Variants in TNIP3 observed in about 807,000 individuals in gnomAD.
TNIP3 encodes the protein TNFAIP3 interacting protein 3.
A neutral mutation model predicts 54.1 loss-of-function variants in TNIP3; 34 were observed. The observed-to-expected ratio is 0.63, with a 90% CI of 0.48 to 0.84. The LOEUF is 0.84. Ranked by LOEUF, TNIP3 falls within the 40% of genes least tolerant of loss-of-function variation. The pLI is 0.00. For missense variants in TNIP3, 366 were observed against 387.6 expected (o/e 0.94, Z 0.47); for synonymous variants, 134 against 136.8 (o/e 0.98, Z 0.14).
intron 2 of TNIP3, among the ~76,000 whole-genome samples, chr4:121,194,685 A>G (rs1464881512): frequency 6.6e-6 from 1 of 152,226 alleles, no homozygotes; most frequent in African/African-American, 2.4e-5. Flanking sequence ...CAAAATAAAC[A>G]AAACCCCTAA....
chr4:121,160,841 A>C (rs1730404620), intron 2 of TNIP3, among the ~76,000 whole-genome samples: 1 of 152,230 alleles, frequency 6.6e-6, no homozygotes, highest in Non-Finnish European at 1.5e-5. Flanking sequence ...TAAAGGATAA[A>C]GTAACTTGGT....
intron 2 of TNIP3, among the ~76,000 whole-genome samples, chr4:121,199,900 C>T (rs1200441335): frequency 6.6e-6 from 1 of 152,144 alleles, no homozygotes; most frequent in Non-Finnish European, 1.5e-5. Context: ...GGATACAGCC[C>T]ATTCTCTACT....
chr4:121,146,659 TG>T lies in TNIP3; in HGVS notation c.735+389del, dbSNP rs569872686. ...TATAAATGGCATTTAGAAATACGTATGTTTTTGGCAGACAGGAGCATTCCAA... is the reference window on the plus strand; with the variant it reads ...TATAAATGGCATTTAGAAATACGTATTTTTTGGCAGACAGGAGCATTCCAA... On this transcript the variant is annotated intron_variant, in intron 7 of 10. Coordinates refer to ENST00000057513, the MANE Select transcript of TNIP3 (RefSeq NM_024873.6). Among the ~76,000 whole-genome samples, 25 of 152,288 alleles carry T rather than the reference TG, an allele frequency of 1.6e-4. No homozygotes were observed. In the South Asian group the frequency reaches 5.0e-3, roughly 30 times the overall value.
At chr4:121,226,750 AG>A (rs1727274557) in intron 1 of TNIP3, among the ~76,000 whole-genome samples, 1 of 152,216 alleles carries the variant, frequency 6.6e-6, no homozygotes, top group Admixed American at 6.5e-5. Flanking sequence ...AATTATTCCT[AG>A]GGAAGTTTAT....
chr4:121,158,252 AC>A (rs1175639995), intron 3 of TNIP3, among the ~76,000 whole-genome samples: 1 of 152,152 alleles, frequency 6.6e-6, no homozygotes, highest in Non-Finnish European at 1.5e-5. Flanking sequence ...CACTGTTACC[AC>A]CATTTGTTTC....
chr4:121,136,143 A>T (rs986525155), intron 10 of TNIP3, among the ~76,000 whole-genome samples: 8 of 152,352 alleles, frequency 5.3e-5, no homozygotes, highest in South Asian at 4.1e-4. Context: ...GTTAGTTCAT[A>T]ACATATTTAT....
chr4:121,153,916 G>A (rs370815841), intron 5 of TNIP3, among the ~76,000 whole-genome samples: 179 of 152,112 alleles, frequency 1.2e-3, no homozygotes, highest in African/African-American at 4.1e-3. Context: ...TTGGCTCTTG[G>A]AAAAGTCAAC....
intron 2 of TNIP3, among the ~76,000 whole-genome samples, chr4:121,206,302 C>G (rs928269869): frequency 6.6e-6 from 1 of 151,872 alleles, no homozygotes. Context: ...CAAAATGAAC[C>G]TTTTGCTAAA....
chr4:121,201,908 A>G (rs1725911939), intron 2 of TNIP3, among the ~76,000 whole-genome samples: 1 of 152,224 alleles, frequency 6.6e-6, no homozygotes, highest in African/African-American at 2.4e-5. Flanking sequence ...AATCTAGGTC[A>G]TCTCACAAAC....
At chr4:121,190,192 G>A (rs1725231828) in intron 2 of TNIP3, among the ~76,000 whole-genome samples, 2 of 152,154 alleles carry the variant, frequency 1.3e-5, no homozygotes, top group Admixed American at 1.3e-4. Context: ...TGAAAACACA[G>A]TGTTTTAACA....
At position 121,132,661 on chromosome 4, in the gene TNIP3, A is replaced by T. The variant is rs1347768370; in HGVS notation, c.948T>A (p.Gly316=). ...LPPDVQHKAN[G]LSSVKKVHP ...GATGGACTTTCTTTACTGAGGATAA[A>T]CCTATGGAAAACAGTAGGAAAATGT... The change falls in exon 11 of 11, where the codon GGT becomes GGA. Residue 316 remains glycine (G), a splice_region_variant and synonymous_variant. Transcript: ENST00000057513. 10 of 1,611,330 alleles carry T rather than the reference A, an allele frequency of 6.2e-6. No individual in the cohort carries two copies. The East Asian group carries it at 2.2e-4, about 36-fold the overall frequency.
intron 8 of TNIP3, among the ~76,000 whole-genome samples, chr4:121,142,451 A>G (rs905269914): frequency 1.3e-5 from 2 of 152,230 alleles, no homozygotes; most frequent in South Asian, 2.1e-4. Flanking sequence ...TGAAATACCA[A>G]TGAAATCTAT....
At chr4:121,155,029 C>A (rs890372823) in intron 4 of TNIP3, among the ~76,000 whole-genome samples, 2 of 150,796 alleles carry the variant, frequency 1.3e-5, no homozygotes, top group African/African-American at 4.9e-5. Context: ...ATGGTGTGAT[C>A]TCAGCTCACT....
At chr4:121,154,009 A>G (rs1392046126) in intron 5 of TNIP3, among the ~76,000 whole-genome samples, 2 of 152,010 alleles carry the variant, frequency 1.3e-5, no homozygotes, top group African/African-American at 4.8e-5. Context: ...CAACACACAC[A>G]CACACACACA....
intron 2 of TNIP3, among the ~76,000 whole-genome samples, chr4:121,183,591 C>A (rs1339669058): frequency 6.6e-6 from 1 of 152,240 alleles, no homozygotes; most frequent in African/African-American, 2.4e-5. Flanking sequence ...AAAGCTTTAT[C>A]TGTATTTACA....
chr4:121,156,665 C>T (rs1052894873), intron 4 of TNIP3, among the ~76,000 whole-genome samples: 1 of 152,160 alleles, frequency 6.6e-6, no homozygotes, highest in Admixed American at 6.5e-5. Flanking sequence ...ATAAATCTCT[C>T]TGTAAGCTTG....
intron 2 of TNIP3, among the ~76,000 whole-genome samples, chr4:121,184,227 G>C (rs1724879702): frequency 6.6e-6 from 1 of 152,052 alleles, no homozygotes; most frequent in Non-Finnish European, 1.5e-5. Flanking sequence ...AGGAGTTCTT[G>C]CAGGAGTACT....
At chr4:121,133,570 C>T (rs1423509626) in intron 10 of TNIP3, among the ~76,000 whole-genome samples, 1 of 152,124 alleles carries the variant, frequency 6.6e-6, no homozygotes, top group Non-Finnish European at 1.5e-5. Context: ...AAAATTAACT[C>T]CTTTTCAATT....
intron 2 of TNIP3, among the ~76,000 whole-genome samples, chr4:121,198,394 AT>A (rs1725713544): frequency 6.6e-6 from 1 of 152,232 alleles, no homozygotes; most frequent in South Asian, 2.1e-4. Context: ...TTTACAAGGC[AT>A]TTAGATTGTT....
Sources: allele counts gnomAD v4.1 joint callset (sites outside exome capture counted in the v4.1 genomes callset), GRCh38; gene constraint gnomAD v4.1.1; transcripts MANE v1.5; gene names NCBI Gene and HGNC (gene_info 2026-07-23, HGNC 2026-07-21).